SH3BGRL2: variants seen among roughly 807,000 people sequenced by gnomAD.
SH3BGRL2 encodes the protein SH3 domain binding glutamate rich protein like 2, also known as SH3 domain-binding glutamic acid-rich-like protein 2.
A neutral mutation model predicts 14.8 loss-of-function variants in SH3BGRL2; 21 were observed. The observed-to-expected ratio is 1.42, with a 90% CI of 1.01 to 2.05. The LOEUF is 2.05. SH3BGRL2 is among the 30% of genes most tolerant of loss of function. The pLI is 0.00. For synonymous variants in SH3BGRL2, 50 were observed against 47.8 expected (o/e 1.05, Z -0.19); for missense variants, 147 against 130.8 (o/e 1.12, Z -0.61).
chr6:79,586,315 C>A, the SH3BGRL2 span, among the ~76,000 whole-genome samples: 4 of 113,950 alleles, frequency 3.5e-5, no homozygotes, highest in Non-Finnish European at 4.9e-5. Flanking sequence ...CAAGACAATT[C>A]TTCTTCCAAT....
rs1770506722 is a variant in SH3BGRL2, at chr6:79,703,409, C to T, written c.*3900C>T. 1 of 152,144 alleles carries T rather than the reference C, an allele frequency of 6.6e-6. No individual in the cohort carries two copies. Among genetic ancestry groups the T allele is most frequent in the African/African-American group, 2.4e-5 (1 of 41,422 alleles). The allele number at this position is 152,144 out of a possible 1,614,324, so 9.4% of individuals were successfully genotyped here. On this transcript the variant is annotated 3_prime_UTR_variant, in exon 4 of 4. Transcript: ENST00000369838. ...AATGGAATATAGATATGTATATACA[C>T]ATATAATATATATGCTAAAGTATAA...
chr6:79,675,246 G>C (rs1769857070), intron 2 of SH3BGRL2, among the ~76,000 whole-genome samples: 2 of 152,160 alleles, frequency 1.3e-5, no homozygotes. Flanking sequence ...TTTAGTGGTA[G>C]TTTCTGGGTA....
At chr6:79,678,065 TTC>T (rs554375721) in intron 2 of SH3BGRL2, among the ~76,000 whole-genome samples, 2 of 151,940 alleles carry the variant, frequency 1.3e-5, no homozygotes, top group Admixed American at 6.6e-5. Context: ...TTCATTTCTT[TTC>T]TCTCTCTCTC....
chr6:79,608,780 C>G, the SH3BGRL2 span, among the ~76,000 whole-genome samples: 1 of 152,204 alleles, frequency 6.6e-6, no homozygotes, highest in East Asian at 1.9e-4. Flanking sequence ...TGAAACTACA[C>G]ATGTCCCACC....
At chr6:79,637,034 A>T (rs887783213) in intron 1 of SH3BGRL2, among the ~76,000 whole-genome samples, 2 of 152,196 alleles carry the variant, frequency 1.3e-5, no homozygotes, top group Non-Finnish European at 2.9e-5. Context: ...AGACTAATTT[A>T]TGGAGTTTTT....
the SH3BGRL2 span, among the ~76,000 whole-genome samples, chr6:79,573,012 T>G: frequency 6.6e-6 from 1 of 152,254 alleles, no homozygotes; most frequent in African/African-American, 2.4e-5. Flanking sequence ...TGTGGTCTAA[T>G]TGATTCATAA....
the SH3BGRL2 span, among the ~76,000 whole-genome samples, chr6:79,573,388 T>A: frequency 6.6e-6 from 1 of 152,188 alleles, no homozygotes; most frequent in East Asian, 1.9e-4. Context: ...ACTATTGTAA[T>A]TATAATATTT....
At position 79,631,500 on chromosome 6, in the gene SH3BGRL2, C is replaced by G. The variant is rs1768822755; in HGVS notation, c.39C>G (p.Phe13Leu). Residue 13 changes from phenylalanine (F) to leucine (L), a missense_variant, in exon 1 of 4, where the codon TTC becomes TTG. By Grantham distance (22) the Phe-to-Leu change is conservative (BLOSUM62 0). Transcript: ENST00000369838. ...TGTTCATCGCCTCTTCCTCGGGCTT[C>G]GTGGCGGTGAGCGCGGTGGGGGCGG... The part of the protein sequence containing the change: ...IRVFIASSSG[F>L]VAIKKKQQDV... 5 of 1,480,420 alleles carry G rather than the reference C, an allele frequency of 3.4e-6. No homozygotes were observed. The highest frequency in any genetic ancestry group is 4.5e-6 in the Non-Finnish European group (5 of 1,110,802). 91.7% of individuals were successfully genotyped at this position (1,480,420 alleles called of 1,614,324 possible). A position where few individuals can be genotyped will look rare whatever the true frequency, so the allele number is the denominator to read the frequency against.
At chr6:79,597,783 T>C in the SH3BGRL2 span, among the ~76,000 whole-genome samples, 1 of 152,198 alleles carries the variant, frequency 6.6e-6, no homozygotes, top group Admixed American at 6.5e-5. Flanking sequence ...AATTTAAAAC[T>C]TTTGTCTTTC....
intron 1 of SH3BGRL2, among the ~76,000 whole-genome samples, chr6:79,658,682 G>T (rs953766054): frequency 6.6e-6 from 1 of 152,082 alleles, no homozygotes; most frequent in East Asian, 1.9e-4. Flanking sequence ...TAGGTCAAAT[G>T]GTATTTCTAG....
chr6:79,631,517 T>TG lies in SH3BGRL2; in HGVS notation c.45+16dup. 6.9e-7 allele frequency: 1 copy of TG among 1,452,840 alleles called. No homozygotes were observed. The highest frequency in any genetic ancestry group is 9.1e-7 in the Non-Finnish European group (1 of 1,096,074). The allele number at this position is 1,452,840 out of a possible 1,614,324, so 90.0% of individuals were successfully genotyped here. A position where few individuals can be genotyped will look rare whatever the true frequency, so the allele number is the denominator to read the frequency against. ...TCGGGCTTCGTGGCGGTGAGCGCGG[T>TG]GGGGGCGGGCAGTAGGTTGGGGTCG... On this transcript the variant is annotated intron_variant, in intron 1 of 3. Coordinates refer to ENST00000369838, the MANE Select transcript of SH3BGRL2 (RefSeq NM_031469.4).
chr6:79,657,620 T>C (rs6913752), intron 1 of SH3BGRL2, among the ~76,000 whole-genome samples: 15 of 151,616 alleles, frequency 9.9e-5, no homozygotes, highest in Non-Finnish European at 1.9e-4. Context: ...TAATTTTTTT[T>C]AATTTTTTTT....
intron 1 of SH3BGRL2, among the ~76,000 whole-genome samples, chr6:79,671,764 G>A (rs1448543522): frequency 6.6e-6 from 1 of 152,148 alleles, no homozygotes; most frequent in Non-Finnish European, 1.5e-5. Flanking sequence ...CTAAGTTCCT[G>A]CTTCCTGAAC....
intron 1 of SH3BGRL2, among the ~76,000 whole-genome samples, chr6:79,644,181 G>A (rs1769084425): frequency 6.6e-6 from 1 of 152,162 alleles, no homozygotes; most frequent in Admixed American, 6.6e-5. Flanking sequence ...TGCTGATTAT[G>A]CCCTGTTGTA....
chr6:79,660,356 T>C (rs563869210), intron 1 of SH3BGRL2, among the ~76,000 whole-genome samples: 1 of 152,228 alleles, frequency 6.6e-6, no homozygotes, highest in Non-Finnish European at 1.5e-5. Flanking sequence ...TGAAGGGCTG[T>C]TGAATTTTGT....
At chr6:79,625,247 TACAC>T in the SH3BGRL2 span, among the ~76,000 whole-genome samples, 4 of 150,386 alleles carry the variant, frequency 2.7e-5, no homozygotes, top group Admixed American at 6.7e-5. Context: ...CATATATATA[TACAC>T]ACACACACAC....
At chr6:79,664,607 A>T (rs192677358) in intron 1 of SH3BGRL2, among the ~76,000 whole-genome samples, 1 of 152,326 alleles carries the variant, frequency 6.6e-6, no homozygotes, top group Admixed American at 6.5e-5. Context: ...ACATGTTCAC[A>T]GACCAACCAG....
intron 1 of SH3BGRL2, among the ~76,000 whole-genome samples, chr6:79,631,952 G>C (rs986018564): frequency 1.3e-5 from 2 of 152,180 alleles, no homozygotes; most frequent in Non-Finnish European, 2.9e-5. Context: ...GCAAGTTTAA[G>C]TGGGAATTGC....
intron 2 of SH3BGRL2, among the ~76,000 whole-genome samples, chr6:79,676,057 G>GT (rs1554203712): frequency 6.6e-6 from 1 of 152,128 alleles, no homozygotes; most frequent in African/African-American, 2.4e-5. Flanking sequence ...ATTGATAGTA[G>GT]TATCTGTAGG....
Sources: allele counts gnomAD v4.1 joint callset (sites outside exome capture counted in the v4.1 genomes callset), GRCh38; gene constraint gnomAD v4.1.1; transcripts MANE v1.5; gene names NCBI Gene and HGNC (gene_info 2026-07-23, HGNC 2026-07-21).